The following PLCE1 variants were observed in gnomAD, a reference collection of about 807,000 sequenced individuals.
PLCE1 encodes the protein 1-phosphatidylinositol 4,5-bisphosphate phosphodiesterase epsilon-1.
PLCE1 carries 119 observed loss-of-function variants against 242.8 expected under a neutral mutation model. The observed-to-expected ratio is 0.49, with a 90% CI of 0.42 to 0.57. The LOEUF (loss-of-function observed/expected upper bound fraction) is 0.57. Among genes scored for constraint, PLCE1 ranks in the 20% least tolerant of loss-of-function variants. The pLI is 0.00. For synonymous variants in PLCE1, 945 were observed against 1,017.4 expected (o/e 0.93, Z 1.35); for missense variants, 2,441 against 2,788.8 (o/e 0.88, Z 2.81).
Position 94,268,915 on chromosome 10 carries a change from CAT to C in PLCE1, c.4282-13_4282-12del. Reference sequence around the variant, plus strand: ...GGTGCTCACCTGGGGTGGATTCGCTCATTGATCACACAGGTCCTTTTGCAAGG... The same window carrying C: ...GGTGCTCACCTGGGGTGGATTCGCTCTGATCACACAGGTCCTTTTGCAAGG... On this transcript the variant is annotated splice_polypyrimidine_tract_variant and intron_variant, in intron 16 of 32. Coordinates refer to ENST00000371380, the MANE Select transcript of PLCE1 (RefSeq NM_016341.4). 3 of 1,535,066 alleles carry C rather than the reference CAT, an allele frequency of 2.0e-6. No individual in the cohort carries two copies. The highest frequency in any genetic ancestry group is 2.7e-6 in the Non-Finnish European group (3 of 1,108,300).
At chr10:94,095,193 CG>C (rs1564682234) in intron 2 of PLCE1, among the ~76,000 whole-genome samples, 1 of 152,170 alleles carries the variant, frequency 6.6e-6, no homozygotes, top group Non-Finnish European at 1.5e-5. Flanking sequence ...GGGTCAGCCT[CG>C]GGACTCATGC....
chr10:94,142,886 C>T (rs2047012710), intron 3 of PLCE1, among the ~76,000 whole-genome samples: 1 of 152,166 alleles, frequency 6.6e-6, no homozygotes, highest in African/African-American at 2.4e-5. Context: ...TGCATTAGGC[C>T]ACTGATTAAT....
chr10:94,145,161 A>T (rs1342700602), intron 3 of PLCE1, among the ~76,000 whole-genome samples: 6 of 152,256 alleles, frequency 3.9e-5, no homozygotes, highest in African/African-American at 1.4e-4. Context: ...ATGGTCATGG[A>T]TATTGAACTT....
chr10:94,096,562 C>T (rs892292796), intron 2 of PLCE1: 1 of 152,008 alleles, frequency 6.6e-6, no homozygotes, highest in Admixed American at 6.6e-5. Flanking sequence ...GGTGACTGCC[C>T]CCGTGATTCA....
Position 94,061,714 on chromosome 10 carries a change from A to T in PLCE1, c.1206+29462A>T, listed in dbSNP as rs557826947. Among the ~76,000 whole-genome samples the T allele has an allele frequency of 5.3e-5, 8 of 152,274 alleles. 1 individual carries two copies. The South Asian group carries it at 1.5e-3, about 28-fold the overall frequency. ...AAAAGGAATTAAAAAAAAAAAAAGAAGTTAATCCTTAGGATTTTCTGTCTA... is the reference window on the plus strand; with the variant it reads ...AAAAGGAATTAAAAAAAAAAAAAGATGTTAATCCTTAGGATTTTCTGTCTA... On this transcript the variant is annotated intron_variant, in intron 2 of 32. Coordinates refer to ENST00000371380, the MANE Select transcript of PLCE1 (RefSeq NM_016341.4).
intron 9 of PLCE1, 119 bp from the exon 10 acceptor site, chr10:94,254,071 T>G (rs1024891558): frequency 1.3e-6 from 1 of 796,100 alleles, no homozygotes; most frequent in Admixed American, 1.7e-5. Context: ...CTTTACCGGT[T>G]TTACCAGGAA....
intron 1 of PLCE1, among the ~76,000 whole-genome samples, chr10:94,021,255 C>T (rs1163197288): frequency 2.1e-5 from 3 of 143,204 alleles, no homozygotes; most frequent in South Asian, 2.2e-4. Flanking sequence ...TTTTTGAAGA[C>T]CAGAAGTTTT....
intron 4 of PLCE1, among the ~76,000 whole-genome samples, chr10:94,178,653 G>A (rs749952313): frequency 4.6e-5 from 7 of 152,266 alleles, no homozygotes; most frequent in African/African-American, 1.2e-4. Flanking sequence ...AAGAAGAGCC[G>A]TTTGAGCTTT....
chr10:94,197,303 A>G (rs1367120288), intron 4 of PLCE1, among the ~76,000 whole-genome samples: 2 of 152,352 alleles, frequency 1.3e-5, no homozygotes, highest in Middle Eastern at 3.4e-3. Context: ...ATGAAATTCA[A>G]GAAAAATGTT....
chr10:94,007,552 A>G (rs948325224), intron 1 of PLCE1, among the ~76,000 whole-genome samples: 8 of 145,766 alleles, frequency 5.5e-5, no homozygotes, highest in African/African-American at 1.8e-4. Context: ...TACAGAAGTG[A>G]TATACAAATA....
At chr10:94,107,134 T>G (rs947132374) in intron 2 of PLCE1, 1 of 152,576 alleles carries the variant, frequency 6.6e-6, no homozygotes, top group African/African-American at 2.4e-5. Context: ...ATTGGGTTGA[T>G]GTTTGTAGCC....
chr10:94,257,818 G>A lies in PLCE1; in HGVS notation c.3555-982G>A, dbSNP rs550716481. Among the ~76,000 whole-genome samples, 352 of 152,256 alleles carry A rather than the reference G, an allele frequency of 2.3e-3. 2 individuals are homozygous for A. Among genetic ancestry groups the A allele is most frequent in the Middle Eastern group, 6.8e-3 (2 of 294 alleles). On this transcript the variant is annotated intron_variant, in intron 11 of 32. Coordinates refer to ENST00000371380, the MANE Select transcript of PLCE1 (RefSeq NM_016341.4). ...GATAGCATTAGGAGATATACCTAAT[G>A]TAAAGGACGAGTTAATGGGTGCAGC...
intron 4 of PLCE1, among the ~76,000 whole-genome samples, chr10:94,200,375 G>T (rs1335757604): frequency 1.3e-5 from 2 of 152,194 alleles, no homozygotes; most frequent in Non-Finnish European, 2.9e-5. Context: ...AAGTGATGGG[G>T]TGTGTCAAAG....
At position 94,321,510 on chromosome 10, in the gene PLCE1, C is replaced by G. The variant is rs188366449; in HGVS notation, c.6343-391C>G. On this transcript the variant is annotated intron_variant, in intron 29 of 32. Transcript: ENST00000371380. ...AGGCATGGTGGCACACATCTGTAAT[C>G]CCAGCTAGTCAGGAGGCTGAGGCAG... Among the ~76,000 whole-genome samples the G allele has an allele frequency of 2.1e-3, 324 of 152,202 alleles. 1 individual carries two copies. Among genetic ancestry groups the G allele is most frequent in the African/African-American group, 7.5e-3 (311 of 41,520 alleles).
chr10:94,046,162 G>A (rs1285309037), intron 2 of PLCE1, among the ~76,000 whole-genome samples: 2 of 152,150 alleles, frequency 1.3e-5, no homozygotes, highest in Non-Finnish European at 2.9e-5. Context: ...GCCAGGTTTT[G>A]TGAGTTCATT....
intron 22 of PLCE1, among the ~76,000 whole-genome samples, chr10:94,289,266 T>A (rs1421324809): frequency 6.6e-6 from 1 of 152,046 alleles, no homozygotes; most frequent in African/African-American, 2.4e-5. Flanking sequence ...GGCAAGGCAC[T>A]CAGGAAGGAA....
intron 2 of PLCE1, among the ~76,000 whole-genome samples, chr10:94,033,508 G>A (rs185631243): frequency 9.8e-4 from 149 of 152,182 alleles, no homozygotes; most frequent in Non-Finnish European, 1.1e-3. Context: ...TACTACTGAA[G>A]TTTGTTGCTT....
rs184798847 is a variant in PLCE1, at chr10:94,152,427, T to G, written c.1493-18753T>G. Among the ~76,000 whole-genome samples the G allele has an allele frequency of 7.8e-4, 119 of 152,310 alleles. 6 individuals are homozygous for G. The East Asian group carries it at 0.023, about 29-fold the overall frequency. On this transcript the variant is annotated intron_variant, in intron 3 of 32. Transcript: ENST00000371380. ...GCTGCAAATCTATGACCTTCTAGGTTTTGGTCCCATTTCAGTTGAAAAGGG... is the reference window on the plus strand; with the variant it reads ...GCTGCAAATCTATGACCTTCTAGGTGTTGGTCCCATTTCAGTTGAAAAGGG...
At chr10:94,230,206 A>T (rs183238962) in intron 5 of PLCE1, among the ~76,000 whole-genome samples, 67 of 152,346 alleles carry the variant, frequency 4.4e-4, no homozygotes, top group Non-Finnish European at 2.1e-4. Context: ...GTATTTACTC[A>T]GTCATGGTGT....
Sources: gnomAD v4.1 joint callset for allele counts (sites outside exome capture counted in the v4.1 genomes callset) on GRCh38, gnomAD v4.1.1 for gene constraint, MANE v1.5 for transcripts, NCBI Gene and HGNC (gene_info 2026-07-23, HGNC 2026-07-21) for gene names.